Variants in FSTL5 observed in about 807,000 individuals in gnomAD.
The protein encoded by FSTL5 is follistatin-related protein 5.
In FSTL5, 62 loss-of-function variants were observed where a neutral mutation model predicts 89.1. That is an observed-to-expected ratio of 0.70 (90% CI 0.57 to 0.86). The LOEUF (loss-of-function observed/expected upper bound fraction) is 0.86, where lower values mean the gene tolerates loss of function less well. Ranked by LOEUF, FSTL5 falls within the 40% of genes least tolerant of loss-of-function variation. The pLI, the probability that FSTL5 is intolerant of heterozygous loss-of-function variation, is 0.00. For missense variants in FSTL5, 1,057 were observed against 1,001.6 expected (o/e 1.06, Z -0.75); for synonymous variants, 383 against 346.2 (o/e 1.11, Z -1.18).
chr4:162,131,057 G>C (rs1470373848), intron 1 of FSTL5, among the ~76,000 whole-genome samples: 1 of 152,104 alleles, frequency 6.6e-6, no homozygotes, highest in Non-Finnish European at 1.5e-5. Context: ...ATTTGAATTA[G>C]AACACAAATT....
rs184109110 is a variant in FSTL5, at chr4:161,712,862, C to T, written c.727+46549G>A. Among the ~76,000 whole-genome samples, 11 of 152,034 alleles carry T rather than the reference C, an allele frequency of 7.2e-5. No individual in the cohort carries two copies. The East Asian group carries it at 1.6e-3, about 21-fold the overall frequency. ...CCCCCCTCTCTCTCGTTCCCTTTCT[C>T]GCATGTGATGCACTGTTTCCTCCTT... On this transcript the variant is annotated intron_variant, in intron 6 of 15. Coordinates refer to ENST00000306100, the MANE Select transcript of FSTL5 (RefSeq NM_020116.5).
At chr4:161,555,777 G>A (rs544192498) in intron 8 of FSTL5, among the ~76,000 whole-genome samples, 1 of 151,554 alleles carries the variant, frequency 6.6e-6, no homozygotes, top group Non-Finnish European at 1.5e-5. Flanking sequence ...AAGGTTTGGT[G>A]TCTACTCACA....
At chr4:161,909,973 T>A (rs1733644823) in intron 4 of FSTL5, among the ~76,000 whole-genome samples, 1 of 152,164 alleles carries the variant, frequency 6.6e-6, no homozygotes, top group Non-Finnish European at 1.5e-5. Context: ...GGGAATAATT[T>A]TTTTAGAATA....
intron 6 of FSTL5, among the ~76,000 whole-genome samples, chr4:161,698,564 C>T (rs1197757308): frequency 6.6e-6 from 1 of 151,998 alleles, no homozygotes; most frequent in African/African-American, 2.4e-5. Flanking sequence ...GATAGCTAAA[C>T]CTAAAAATTG....
chr4:162,110,658 C>T (rs1731399961), intron 2 of FSTL5, among the ~76,000 whole-genome samples: 1 of 151,490 alleles, frequency 6.6e-6, no homozygotes, highest in Non-Finnish European at 1.5e-5. Flanking sequence ...TCATGGACTG[C>T]TGTTAAAACA....
intron 15 of FSTL5, among the ~76,000 whole-genome samples, chr4:161,413,910 G>T (rs1731685325): frequency 6.6e-6 from 1 of 152,094 alleles, no homozygotes; most frequent in African/African-American, 2.4e-5. Context: ...AGGCACTGAT[G>T]AACACTAAAA....
At chr4:161,543,109 T>G (rs1731888775) in intron 8 of FSTL5, among the ~76,000 whole-genome samples, 2 of 151,918 alleles carry the variant, frequency 1.3e-5, no homozygotes, top group South Asian at 2.1e-4. Context: ...AATAAATAAA[T>G]GAGTATATAA....
At chr4:161,864,344 G>C (rs1293689863) in intron 4 of FSTL5, among the ~76,000 whole-genome samples, 1 of 152,158 alleles carries the variant, frequency 6.6e-6, no homozygotes, top group Admixed American at 6.5e-5. Flanking sequence ...CGTATGGTTA[G>C]AGACAATATC....
chr4:161,910,868 C>T (rs1733669629), intron 4 of FSTL5, among the ~76,000 whole-genome samples: 1 of 152,090 alleles, frequency 6.6e-6, no homozygotes, highest in Middle Eastern at 3.2e-3. Context: ...TTCTATAAAT[C>T]TGCCACAATT....
intron 6 of FSTL5, among the ~76,000 whole-genome samples, chr4:161,672,604 A>G (rs778254130): frequency 6.6e-6 from 1 of 151,948 alleles, no homozygotes; most frequent in Admixed American, 6.6e-5. Flanking sequence ...CTAGAGATAT[A>G]TAGAATTGAA....
At chr4:161,800,922 T>C (rs2126829062) in intron 4 of FSTL5, among the ~76,000 whole-genome samples, 1 of 151,704 alleles carries the variant, frequency 6.6e-6, no homozygotes, top group East Asian at 1.9e-4. Flanking sequence ...TTTTAAGTAG[T>C]TGACAAGTTT....
At chr4:161,466,223 G>T (rs1733743182) in intron 13 of FSTL5, among the ~76,000 whole-genome samples, 1 of 151,908 alleles carries the variant, frequency 6.6e-6, no homozygotes, top group South Asian at 2.1e-4. Context: ...TTCTTTTGTT[G>T]CTATCTAAAC....
chr4:161,868,703 A>G (rs1732167714), intron 4 of FSTL5, among the ~76,000 whole-genome samples: 1 of 152,160 alleles, frequency 6.6e-6, no homozygotes, highest in African/African-American at 2.4e-5. Context: ...CACTTAAACC[A>G]TTGTAGTTCA....
intron 15 of FSTL5, among the ~76,000 whole-genome samples, chr4:161,450,823 A>T (rs1030027931): frequency 6.0e-4 from 91 of 151,400 alleles, no homozygotes; most frequent in Non-Finnish European, 1.1e-3. Context: ...GCTTACTGCA[A>T]GATCCACCCT....
Position 161,566,177 on chromosome 4 carries a change from TA to T in FSTL5, c.1015+21277del, listed in dbSNP as rs79911491. On this transcript the variant is annotated intron_variant, in intron 8 of 15. Transcript: ENST00000306100. ...ACACCGTGGAATGCTCCTCAGCCAT[TA>T]AAAAAAAACACACATAATAATGTCT... Among the ~76,000 whole-genome samples, 181 of 130,404 alleles carry T rather than the reference TA, an allele frequency of 1.4e-3. 3 individuals are homozygous for T. The highest frequency in any genetic ancestry group is 8.6e-3 in the Middle Eastern group (2 of 232). The allele number at this position is 130,404 out of a possible 152,430, so 85.6% of individuals were successfully genotyped here.
chr4:162,084,924 G>C (rs1031930851), intron 2 of FSTL5, among the ~76,000 whole-genome samples: 1 of 151,894 alleles, frequency 6.6e-6, no homozygotes, highest in African/African-American at 2.4e-5. Context: ...AAGTATAATA[G>C]AATGCATATT....
In FSTL5 at chr4:161,732,482, CAA is replaced by C. The variant is rs993969137; in HGVS notation, c.727+26927_727+26928del. Among the ~76,000 whole-genome samples, 127 of 151,914 alleles carry C rather than the reference CAA, an allele frequency of 8.4e-4. 1 individual carries two copies. The highest frequency in any genetic ancestry group is 3.0e-3 in the African/African-American group (124 of 41,476). ...TTTTATAATGATGCTTTTCAATAAACAAGTTTTAATTTTGATAAAATATATTT... is the reference window on the plus strand; with the variant it reads ...TTTTATAATGATGCTTTTCAATAAACGTTTTAATTTTGATAAAATATATTT... On this transcript the variant is annotated intron_variant, in intron 6 of 15. Coordinates refer to ENST00000306100, the MANE Select transcript of FSTL5 (RefSeq NM_020116.5).
intron 6 of FSTL5, among the ~76,000 whole-genome samples, chr4:161,693,612 T>C (rs1179149012): frequency 6.6e-6 from 1 of 151,540 alleles, no homozygotes; most frequent in Non-Finnish European, 1.5e-5. Context: ...GATAAACAAA[T>C]GTTGATAGTA....
chr4:161,851,749 AT>A (rs34215301), intron 4 of FSTL5, among the ~76,000 whole-genome samples: 8,931 of 150,770 alleles, frequency 0.059, 368 homozygotes, highest in East Asian at 0.15. Flanking sequence ...TATTTAGAGA[AT>A]TTTTTTTTTT....
Sources: gnomAD v4.1 joint callset for allele counts (sites outside exome capture counted in the v4.1 genomes callset) on GRCh38, gnomAD v4.1.1 for gene constraint, MANE v1.5 for transcripts, NCBI Gene and HGNC (gene_info 2026-07-23, HGNC 2026-07-21) for gene names.